The following DNAH14 variants were observed in gnomAD, a reference collection of about 807,000 sequenced individuals.
DNAH14 encodes dynein axonemal heavy chain 14, also known as axonemal beta dynein heavy chain 14.
Under a neutral mutation model 520.9 loss-of-function variants are expected in DNAH14, and 478 were observed. The ratio of observed to expected loss-of-function variants is 0.92; its 90% CI spans 0.85 to 0.99. The LOEUF is 0.99. Ranked by LOEUF, DNAH14 falls within the 50% of genes least tolerant of loss-of-function variation. DNAH14 has a pLI of 0.00. For synonymous variants in DNAH14, 1,581 were observed against 1,757.2 expected (o/e 0.90, Z 2.51); for missense variants, 4,831 against 5,234.5 (o/e 0.92, Z 2.38).
At chr1:225,381,838 G>A (rs185594798) in intron 81 of DNAH14, among the ~76,000 whole-genome samples, 4 of 152,184 alleles carry the variant, frequency 2.6e-5, no homozygotes, top group African/African-American at 9.7e-5. Flanking sequence ...GTCAAAGTAG[G>A]TGCACTCTTG....
chr1:225,143,788 G>A (rs1015142279), intron 28 of DNAH14, among the ~76,000 whole-genome samples: 2 of 152,076 alleles, frequency 1.3e-5, no homozygotes, highest in African/African-American at 4.8e-5. Context: ...GCTCAAATGT[G>A]TTTATTTTGA....
intron 17 of DNAH14, among the ~76,000 whole-genome samples, chr1:225,062,142 T>C (rs1173720765): frequency 1.6e-5 from 1 of 61,502 alleles, no homozygotes; most frequent in Non-Finnish European, 6.8e-5. Flanking sequence ...CTACAAAAAA[T>C]GCAAAAAAAT....
chr1:225,202,488 C>G (rs2086970636), intron 38 of DNAH14, among the ~76,000 whole-genome samples: 1 of 152,144 alleles, frequency 6.6e-6, no homozygotes, highest in Admixed American at 6.5e-5. Flanking sequence ...CCAGCAGTCA[C>G]AGGCCTCACC....
rs866476437 is a variant in DNAH14, at chr1:225,258,063, C to G, written c.6969C>G (p.Cys2323Trp). The G allele has an allele frequency of 6.5e-7, 1 of 1,548,810 alleles. No homozygotes were observed. Among genetic ancestry groups the G allele is most frequent in the East Asian group, 2.5e-5 (1 of 40,566 alleles). Residue 2323 changes from cysteine to tryptophan, a missense_variant, in exon 45 of 86, where the codon TGC becomes TGG. Physicochemically the swap from Cys to Trp is radical, Grantham distance 215. Transcript: ENST00000682510. ...INYTATRDTT[C>W]LSFLMSLLLK... ...ATACCGCTACCAGAGACACAACATG[C>G]CTTTCTTTTCTCATGAGCCTTCTTT...
chr1:224,991,978 T>G (rs568148025), intron 8 of DNAH14, among the ~76,000 whole-genome samples: 5 of 152,334 alleles, frequency 3.3e-5, no homozygotes, highest in African/African-American at 1.2e-4. Context: ...TCCCCAACAC[T>G]ATTTATTGAA....
intron 37 of DNAH14, among the ~76,000 whole-genome samples, chr1:225,192,432 G>T (rs1336064043): frequency 2.0e-5 from 3 of 152,052 alleles, no homozygotes; most frequent in Non-Finnish European, 4.4e-5. Context: ...TATATACTGT[G>T]TTCCTGGATT....
rs2095081029 is a variant in DNAH14 at position 225,337,479 on chromosome 1, G to A, written c.10294G>A (p.Gly3432Arg). The A allele has an allele frequency of 6.4e-7, 1 of 1,551,760 alleles. No individual in the cohort carries two copies. Among genetic ancestry groups the A allele is most frequent in the Non-Finnish European group, 8.7e-7 (1 of 1,146,900 alleles). Reference protein sequence around the residue: ...KKIENAMKTGGSVLLQNLLET... With the variant: ...KKIENAMKTGRSVLLQNLLET... The stretch of plus-strand genomic sequence containing the variant: ...AATTGAAAATGCTATGAAGACAGGA[G>A]GGAGTGTCCTCCTGCAGGTAAGTGG... The change falls in exon 67 of 86, where the codon GGG (glycine) becomes AGG (arginine). Residue 3432 changes from glycine (G) to arginine (R), a missense_variant. By Grantham distance (125) the Gly-to-Arg change is moderately radical. Transcript: ENST00000682510.
intron 23 of DNAH14, among the ~76,000 whole-genome samples, chr1:225,115,839 A>G (rs1317676253): frequency 6.6e-6 from 1 of 152,232 alleles, no homozygotes; most frequent in Non-Finnish European, 1.5e-5. Context: ...TTGGTACTAC[A>G]AAGATAAAAG....
chr1:225,345,599 C>T lies in DNAH14; in HGVS notation c.10679-363C>T, dbSNP rs145781747. On this transcript the variant is annotated intron_variant, in intron 69 of 85. Transcript: ENST00000682510. ...ATAAATCACGTAAAATAATGGCACA[C>T]TTGTTATTTTTTGAAAATTGATTTT... 6.6e-4 allele frequency among the ~76,000 whole-genome samples: 101 copies of T among 152,124 alleles called. 1 individual carries two copies. Among genetic ancestry groups the T allele is most frequent in the African/African-American group, 2.4e-3 (99 of 41,478 alleles).
At chr1:225,347,375 G>C (rs1269426605) in intron 71 of DNAH14, among the ~76,000 whole-genome samples, 1 of 152,080 alleles carries the variant, frequency 6.6e-6, no homozygotes, top group African/African-American at 2.4e-5. Context: ...AGGAAATTTT[G>C]CATCATTTGA....
chr1:225,064,380 TACTC>T (rs371958111), intron 17 of DNAH14, among the ~76,000 whole-genome samples: 2 of 152,134 alleles, frequency 1.3e-5, no homozygotes, highest in African/African-American at 4.8e-5. Context: ...TAAAGTTAAA[TACTC>T]ACCATTTAAT....
chr1:225,347,676 T>C (rs2095307357), intron 71 of DNAH14, among the ~76,000 whole-genome samples: 1 of 152,062 alleles, frequency 6.6e-6, no homozygotes, highest in Non-Finnish European at 1.5e-5. Flanking sequence ...TTAGAAAAGG[T>C]TAAAAAGGTC....
chr1:225,070,751 G>T (rs377430476), intron 17 of DNAH14, among the ~76,000 whole-genome samples: 7 of 152,240 alleles, frequency 4.6e-5, no homozygotes, highest in African/African-American at 1.4e-4. Context: ...CTCGGGTTGT[G>T]AATATCTTTG....
intron 43 of DNAH14, among the ~76,000 whole-genome samples, chr1:225,248,873 A>G (rs183590595): frequency 6.6e-6 from 1 of 152,204 alleles, no homozygotes; most frequent in African/African-American, 2.4e-5. Flanking sequence ...AACCAAAAGA[A>G]CATCATGGTC....
chr1:224,996,198 G>A (rs752208540), intron 8 of DNAH14, among the ~76,000 whole-genome samples: 4 of 151,738 alleles, frequency 2.6e-5, no homozygotes, highest in Non-Finnish European at 4.4e-5. Context: ...TTGAGACAGA[G>A]TCTTGCTCTG....
chr1:225,179,880 T>C (rs1295765317), intron 36 of DNAH14, among the ~76,000 whole-genome samples: 5 of 151,538 alleles, frequency 3.3e-5, no homozygotes, highest in Non-Finnish European at 5.9e-5. Context: ...GTTTTCTGGC[T>C]ACAGTATTCT....
rs538670067 is a variant in DNAH14 at position 225,177,262 on chromosome 1, A to G, written c.5536-8029A>G. ...GAAATGATTTAGGGTATCTGGTGGAAGAAATTTCTAAGCAGCAAAGCATTC... is the reference window on the plus strand; with the variant it reads ...GAAATGATTTAGGGTATCTGGTGGAGGAAATTTCTAAGCAGCAAAGCATTC... On this transcript the variant is annotated intron_variant, in intron 36 of 85. Coordinates refer to ENST00000682510, the MANE Select transcript of DNAH14 (RefSeq NM_001367479.1). Among the ~76,000 whole-genome samples the G allele has an allele frequency of 1.4e-4, 21 of 152,360 alleles. No individual in the cohort carries two copies. In the South Asian group the frequency reaches 4.3e-3, roughly 32 times the overall value.
At chr1:225,005,781 A>G (rs2064123021) in intron 9 of DNAH14, among the ~76,000 whole-genome samples, 1 of 152,166 alleles carries the variant, frequency 6.6e-6, no homozygotes, top group African/African-American at 2.4e-5. Context: ...TAGTGGAAAA[A>G]CAATACTGAA....
In DNAH14 at chr1:225,144,492, C is replaced by T. The variant is rs2079741538; in HGVS notation, c.4604C>T (p.Thr1535Ile). The change falls in exon 29 of 86, where the codon ACC becomes ATC. Residue 1535 changes from threonine (T) to isoleucine (I), a missense_variant. Thr to Ile is a moderately conservative substitution (Grantham distance 89). Transcript: ENST00000682510. ...FTYGYEYLGC[T>I]SRLVITPLTD... ...TATGGCTATGAGTACTTGGGCTGTA[C>T]CTCAAGATTGGTTATTACGCCTCTC... is the stretch of plus-strand genomic sequence containing the variant. 1.3e-6 allele frequency: 2 copies of T among 1,551,332 alleles called. No individual in the cohort carries two copies. Among genetic ancestry groups the T allele is most frequent in the East Asian group, 2.4e-5 (1 of 40,898 alleles).
Sources: allele counts gnomAD v4.1 joint callset (sites outside exome capture counted in the v4.1 genomes callset), GRCh38; gene constraint gnomAD v4.1.1; transcripts MANE v1.5; gene names NCBI Gene and HGNC (gene_info 2026-07-23, HGNC 2026-07-21).